The following CEP112 variants were observed in gnomAD, a reference collection of about 807,000 sequenced individuals.
The protein encoded by CEP112 is centrosomal protein 112, also known as centrosomal protein of 112 kDa.
Under a neutral mutation model 153.0 loss-of-function variants are expected in CEP112, and 127 were observed. The observed-to-expected ratio is 0.83, with a 90% CI of 0.72 to 0.96. CEP112 has a LOEUF of 0.96. Among genes scored for constraint, CEP112 ranks in the 40% least tolerant of loss-of-function variants. The pLI is 0.00. For missense variants in CEP112, 1,089 were observed against 1,101.2 expected (o/e 0.99, Z 0.16); for synonymous variants, 358 against 374.4 (o/e 0.96, Z 0.51).
chr17:65,678,666 G>A (rs1037926061), intron 24 of CEP112, among the ~76,000 whole-genome samples: 1 of 152,128 alleles, frequency 6.6e-6, no homozygotes, highest in African/African-American at 2.4e-5. Flanking sequence ...CGTGGTCTTC[G>A]TCATCCGTCA....
At chr17:65,903,025 G>A (rs939702814) in intron 19 of CEP112, 7 of 628 alleles carry the variant, frequency 0.011, no homozygotes, top group African/African-American at 0.013. Flanking sequence ...ATGGCAGCCC[G>A]AGACCAAGGC....
intron 8 of CEP112, among the ~76,000 whole-genome samples, chr17:66,079,631 T>G (rs1420294711): frequency 6.6e-6 from 1 of 152,092 alleles, no homozygotes; most frequent in African/African-American, 2.4e-5. Context: ...ACCATTGACT[T>G]TTTTTTCACA....
intron 20 of CEP112, among the ~76,000 whole-genome samples, chr17:65,878,925 A>G (rs1360863048): frequency 2.0e-5 from 3 of 152,112 alleles, no homozygotes; most frequent in Non-Finnish European, 4.4e-5. Flanking sequence ...TCTTCATTCC[A>G]GCCCTTAAGG....
intron 12 of CEP112, among the ~76,000 whole-genome samples, chr17:66,036,410 T>C (rs2065742887): frequency 6.6e-6 from 1 of 152,092 alleles, no homozygotes; most frequent in Admixed American, 6.5e-5. Flanking sequence ...TGGCTAAAAC[T>C]TAACACCACA....
intron 6 of CEP112, among the ~76,000 whole-genome samples, chr17:66,103,196 T>A (rs2068638419): frequency 6.6e-6 from 1 of 150,522 alleles, no homozygotes; most frequent in East Asian, 2.0e-4. Context: ...TTGCACTGAG[T>A]GAATAAGAGC....
At chr17:66,177,084 G>T in intron 2 of CEP112, 64 bp from the exon 3 acceptor site, 1 of 1,299,960 alleles carries the variant, frequency 7.7e-7, no homozygotes, top group Non-Finnish European at 1.1e-6. Context: ...CAATTACAAA[G>T]ACCTATAATA....
rs73338873 is a variant in CEP112 at position 65,747,504 on chromosome 17, C to G, written c.2457+3158G>C. Among the ~76,000 whole-genome samples the G allele has an allele frequency of 7.5e-3, 1,139 of 152,270 alleles. 16 individuals carry two copies. Among genetic ancestry groups the G allele is most frequent in the African/African-American group, 0.026 (1,075 of 41,534 alleles). On this transcript the variant is annotated intron_variant, in intron 22 of 26. Transcript: ENST00000535342. ...AGTATCTTTCCTTGAAAAATGGCCA[C>G]TAGGTGACTAGGCTGAGTGGGGAAA...
At position 66,102,547 on chromosome 17, in the gene CEP112, C is replaced by G. The variant is rs1200483918; in HGVS notation, c.643-5915G>C. 5.9e-5 allele frequency among the ~76,000 whole-genome samples: 9 copies of G among 152,026 alleles called. No homozygotes were observed. The East Asian group carries it at 1.7e-3, about 29-fold the overall frequency. ...GCATGGTGGCTCACGCCTGTAATCC[C>G]AGAACTTTGGGAGGCCGAGGTGGGC... On this transcript the variant is annotated intron_variant, in intron 6 of 26. Transcript: ENST00000535342.
intron 18 of CEP112, among the ~76,000 whole-genome samples, chr17:65,950,485 CGTT>C (rs1322533630): frequency 1.2e-4 from 18 of 151,776 alleles, no homozygotes; most frequent in Non-Finnish European, 1.0e-4. Context: ...TTCTTTTCGA[CGTT>C]ATTATGAATT....
chr17:65,918,809 T>A (rs1384569678), intron 19 of CEP112, among the ~76,000 whole-genome samples: 2 of 152,256 alleles, frequency 1.3e-5, no homozygotes, highest in East Asian at 3.8e-4. Context: ...TTTGATGTTT[T>A]TCTTTCCACA....
At chr17:66,048,828 C>T (rs183488824) in intron 12 of CEP112, among the ~76,000 whole-genome samples, 6 of 152,232 alleles carry the variant, frequency 3.9e-5, no homozygotes, top group Admixed American at 6.5e-5. Flanking sequence ...AGGCTGATCT[C>T]GAACTCCTGG....
chr17:65,639,675 ACT>A (rs1376399014), intron 25 of CEP112, among the ~76,000 whole-genome samples: 1 of 121,842 alleles, frequency 8.2e-6, no homozygotes, highest in Non-Finnish European at 1.7e-5. Flanking sequence ...ACAAAGTGAA[ACT>A]CTGTCTCAAA....
chr17:66,088,922 C>G (rs62065717), intron 8 of CEP112, among the ~76,000 whole-genome samples: 15,125 of 152,110 alleles, frequency 0.099, 751 homozygotes, highest in Non-Finnish European at 0.11. Flanking sequence ...CTTAAACCCA[C>G]CCTAGAACCA....
intron 2 of CEP112, among the ~76,000 whole-genome samples, chr17:66,177,701 A>G (rs1046629730): frequency 1.3e-5 from 2 of 152,120 alleles, no homozygotes; most frequent in Non-Finnish European, 2.9e-5. Context: ...CCCATTAACC[A>G]TCCCTACTTC....
intron 23 of CEP112, among the ~76,000 whole-genome samples, chr17:65,731,777 C>T (rs1018234179): frequency 1.3e-5 from 2 of 152,154 alleles, no homozygotes; most frequent in African/African-American, 4.8e-5. Flanking sequence ...TAGATTCCAT[C>T]TCAAGAAAAC....
At chr17:66,026,082 A>T (rs992162574) in intron 16 of CEP112, among the ~76,000 whole-genome samples, 2 of 152,104 alleles carry the variant, frequency 1.3e-5, no homozygotes, top group Non-Finnish European at 2.9e-5. Flanking sequence ...ATGGGTACAC[A>T]TGAACGTAGA....
chr17:65,650,730 TAA>T (rs71361240), intron 24 of CEP112, among the ~76,000 whole-genome samples: 2 of 44,234 alleles, frequency 4.5e-5, no homozygotes, highest in Non-Finnish European at 4.0e-5. Context: ...AACTCTCTAC[TAA>T]AAAAAAAAAA....
chr17:66,005,653 G>T, intron 17 of CEP112, 37 bp downstream of exon 17: 1 of 1,590,146 alleles, frequency 6.3e-7, no homozygotes, highest in Non-Finnish European at 8.5e-7. Context: ...TTTAATAAAG[G>T]GTAGTTTTAA....
rs140145044 is a variant in CEP112, at chr17:66,079,477, T to G, written c.769-9476A>C. On this transcript the variant is annotated intron_variant, in intron 8 of 26. Coordinates refer to ENST00000535342, the MANE Select transcript of CEP112 (RefSeq NM_001199165.4). The stretch of plus-strand genomic sequence containing the variant: ...ACTATTGAGCAAAAGAAGCAAGACA[T>G]AAAAGAATATGAAAAGTTTAGTTCT... 1.8e-4 allele frequency among the ~76,000 whole-genome samples: 28 copies of G among 152,022 alleles called. 1 individual carries two copies. The East Asian group carries it at 4.3e-3, about 23-fold the overall frequency.
Sources: gnomAD v4.1 joint callset for allele counts (sites outside exome capture counted in the v4.1 genomes callset) on GRCh38, gnomAD v4.1.1 for gene constraint, MANE v1.5 for transcripts, NCBI Gene and HGNC (gene_info 2026-07-23, HGNC 2026-07-21) for gene names.